The following EPC1 variants were observed in gnomAD, a reference collection of about 807,000 sequenced individuals.
EPC1 encodes enhancer of polycomb homolog 1.
Under a neutral mutation model 98.4 loss-of-function variants are expected in EPC1, and 12 were observed. The ratio of observed to expected loss-of-function variants is 0.12; its 90% CI spans 0.08 to 0.20. EPC1 has a LOEUF of 0.20. Among genes scored for constraint, EPC1 ranks in the 10% least tolerant of loss-of-function variants. The pLI, the probability that EPC1 is intolerant of heterozygous loss-of-function variation, is 1.00. For missense variants in EPC1, 729 were observed against 990.5 expected (o/e 0.74, Z 3.54); for synonymous variants, 357 against 363.9 (o/e 0.98, Z 0.21).
intron 10 of EPC1, among the ~76,000 whole-genome samples, chr10:32,273,558 T>A (rs546122792): frequency 2.6e-5 from 4 of 152,290 alleles, no homozygotes; most frequent in African/African-American, 9.6e-5. Context: ...CACCACTATT[T>A]TTTTTTTAAG....
At chr10:32,340,400 A>G (rs528039219) in intron 1 of EPC1, among the ~76,000 whole-genome samples, 2 of 152,336 alleles carry the variant, frequency 1.3e-5, no homozygotes, top group Non-Finnish European at 2.9e-5. Flanking sequence ...TGCAAAGTTG[A>G]GTGTCCACTA....
intron 11 of EPC1, chr10:32,272,915 A>T: frequency 1.0e-6 from 1 of 957,306 alleles, no homozygotes; most frequent in Non-Finnish European, 1.6e-6. Flanking sequence ...TTAATGGACT[A>T]CAGGTCAGAC....
chr10:32,300,491 T>A (rs1025594857), intron 2 of EPC1, among the ~76,000 whole-genome samples: 1 of 151,106 alleles, frequency 6.6e-6, no homozygotes, highest in Non-Finnish European at 1.5e-5. Context: ...TAGAGTGTAG[T>A]GGCGCGATCT....
At chr10:32,306,671 A>G (rs1378131844) in intron 1 of EPC1, among the ~76,000 whole-genome samples, 1 of 152,206 alleles carries the variant, frequency 6.6e-6, no homozygotes, top group East Asian at 1.9e-4. Flanking sequence ...AGATTTAAGT[A>G]AGATAAATGT....
At chr10:32,323,063 T>C (rs532921462) in intron 1 of EPC1, among the ~76,000 whole-genome samples, 3 of 152,332 alleles carry the variant, frequency 2.0e-5, no homozygotes, top group African/African-American at 7.2e-5. Flanking sequence ...GATTTGATCA[T>C]TACACATTGT....
intron 6 of EPC1, 61 bp downstream of exon 6, chr10:32,291,102 C>A: frequency 1.3e-6 from 2 of 1,494,114 alleles, no homozygotes; most frequent in South Asian, 2.3e-5. Context: ...TTTTAACTTT[C>A]ATTCTAATGA....
intron 1 of EPC1, among the ~76,000 whole-genome samples, chr10:32,309,258 T>A (rs1218471574): frequency 6.6e-6 from 1 of 152,098 alleles, no homozygotes; most frequent in African/African-American, 2.4e-5. Context: ...TTACATATTT[T>A]AAAATAACTA....
chr10:32,298,429 G>A (rs1321719182), intron 2 of EPC1, among the ~76,000 whole-genome samples: 2 of 152,178 alleles, frequency 1.3e-5, no homozygotes, highest in East Asian at 3.9e-4. Flanking sequence ...TGAAAGGAAG[G>A]AAGGTAGGAA....
chr10:32,357,097 A>T (rs1839301832), intron 1 of EPC1, among the ~76,000 whole-genome samples: 1 of 152,218 alleles, frequency 6.6e-6, no homozygotes, highest in African/African-American at 2.4e-5. Context: ...TGAAGTCAAA[A>T]ATCAGTTAAG....
chr10:32,364,630 T>A lies in EPC1; in HGVS notation c.3+13861A>T, dbSNP rs931816423. 1.5e-4 allele frequency among the ~76,000 whole-genome samples: 23 copies of A among 152,164 alleles called. 1 individual carries two copies. Among genetic ancestry groups the A allele is most frequent in the Admixed American group, 1.0e-3 (16 of 15,280 alleles). On this transcript the variant is annotated intron_variant, in intron 1 of 13. Transcript: ENST00000375110. The stretch of plus-strand genomic sequence containing the variant: ...AACTCTTTCAACTCTCAAATTTTAT[T>A]ATTGTTTTTATTTTTATTTTTTGTA...
intron 1 of EPC1, among the ~76,000 whole-genome samples, chr10:32,340,723 C>G (rs909501586): frequency 2.0e-5 from 3 of 152,000 alleles, no homozygotes; most frequent in African/African-American, 7.2e-5. Flanking sequence ...ACTTGTAAGG[C>G]TGAGGTGAGA....
At chr10:32,339,821 A>C (rs576625166) in intron 1 of EPC1, among the ~76,000 whole-genome samples, 1 of 152,312 alleles carries the variant, frequency 6.6e-6, no homozygotes, top group Admixed American at 6.5e-5. Context: ...AGAAGACTTA[A>C]GAAATGCAGA....
intron 1 of EPC1, chr10:32,378,347 C>T: frequency 2.1e-6 from 1 of 483,554 alleles, no homozygotes; most frequent in Non-Finnish European, 3.6e-6. Context: ...AAAAATTAAC[C>T]AGGCAAGATT....
chr10:32,293,224 T>C (rs1191468425), intron 3 of EPC1, 30 bp from the exon 4 acceptor site: 1 of 1,494,278 alleles, frequency 6.7e-7, no homozygotes, highest in South Asian at 1.2e-5. Flanking sequence ...GTCATTTTCA[T>C]ACAATACACA....
intron 10 of EPC1, chr10:32,284,253 T>TA (rs953306620): frequency 6.5e-6 from 1 of 153,288 alleles, no homozygotes; most frequent in Admixed American, 6.5e-5. Flanking sequence ...AGTTTATCTT[T>TA]AACAAATTAT....
At chr10:32,286,223 A>T (rs1312911050) in intron 9 of EPC1, 1 of 154,384 alleles carries the variant, frequency 6.5e-6, no homozygotes, top group East Asian at 1.9e-4. Flanking sequence ...TGAAGGAAGG[A>T]ATTCTACAAG....
chr10:32,283,295 T>C (rs1180309792), intron 10 of EPC1: 2 of 152,012 alleles, frequency 1.3e-5, no homozygotes, highest in Non-Finnish European at 2.9e-5. Context: ...TAATGATTAG[T>C]AAATGTATTT....
At chr10:32,310,621 A>G (rs1836153774) in intron 1 of EPC1, among the ~76,000 whole-genome samples, 1 of 152,238 alleles carries the variant, frequency 6.6e-6, no homozygotes, top group African/African-American at 2.4e-5. Context: ...TTTCTTGTAC[A>G]AAATATTTCA....
chr10:32,320,309 C>T (rs758809787), intron 1 of EPC1, among the ~76,000 whole-genome samples: 1 of 151,946 alleles, frequency 6.6e-6, no homozygotes, highest in Non-Finnish European at 1.5e-5. Context: ...ATAATCCTTA[C>T]AAGTCAGTGA....
Sources: allele counts gnomAD v4.1 joint callset (sites outside exome capture counted in the v4.1 genomes callset), GRCh38; gene constraint gnomAD v4.1.1; transcripts MANE v1.5; gene names NCBI Gene and HGNC (gene_info 2026-07-23, HGNC 2026-07-21).